The following ECE1 variants were observed in gnomAD, a reference collection of about 807,000 sequenced individuals.
ECE1 encodes endothelin-converting enzyme 1.
A neutral mutation model predicts 98.6 loss-of-function variants in ECE1; 35 were observed. The ratio of observed to expected loss-of-function variants is 0.35; its 90% CI spans 0.27 to 0.47. ECE1 has a LOEUF of 0.47. Among genes scored for constraint, ECE1 ranks in the 20% least tolerant of loss-of-function variants. The pLI, the probability that ECE1 is intolerant of heterozygous loss-of-function variation, is 1.00. For missense variants in ECE1, 814 were observed against 1,025.3 expected, an observed-to-expected ratio of 0.79 and a Z score of 2.81; for synonymous variants, 394 against 407.1, an observed-to-expected ratio of 0.97 and a Z score of 0.39.
At chr1:21,337,927 C>T (rs1639333831) in intron 1 of ECE1, among the ~76,000 whole-genome samples, 1 of 152,196 alleles carries the variant, frequency 6.6e-6, no homozygotes, top group South Asian at 2.1e-4. Flanking sequence ...AGATGTGGCA[C>T]CTGGAGGCAG....
rs189191917 is a variant in ECE1, at chr1:21,307,557, A to T, written c.4-17401T>A. Among the ~76,000 whole-genome samples, 3 of 152,324 alleles carry T rather than the reference A, an allele frequency of 2.0e-5. No homozygotes were observed. In the East Asian group the frequency reaches 5.8e-4, roughly 29 times the overall value. On this transcript the variant is annotated intron_variant, in intron 1 of 18. Transcript: ENST00000415912. The surrounding 1 kb of genome is among the most constrained non-coding windows in gnomAD (Gnocchi z 4.2). ...GATCACTACAGTCATTGATGTGAGG[A>T]CGTCAGCAGCAGAGGGGCCTCCAGA...
intron 10 of ECE1, among the ~76,000 whole-genome samples, chr1:21,244,367 C>T (rs1014006456): frequency 2.6e-5 from 4 of 152,282 alleles, no homozygotes; most frequent in African/African-American, 9.6e-5. Flanking sequence ...GCCTGGCACG[C>T]GATGGCAGGA....
chr1:21,345,288 GGCGGCCCCGGGTGCCACCC>G lies in ECE1; in HGVS notation c.3+69_3+87del. ...CGGCGCCCAGCCCCCCGCGAGCCAG[GGCGGCCCCGGGTGCCACCC>G]GCGGCACCGCTGCCCGCGACCGTCG... On this transcript the variant is annotated intron_variant, in intron 1 of 18. Transcript: ENST00000415912. This position sits in a 1 kb window ranked among gnomAD's most constrained non-coding sequence, Gnocchi z 5.1. 7.7e-7 allele frequency: 1 copy of G among 1,291,926 alleles called. No individual in the cohort carries two copies. Among genetic ancestry groups the G allele is most frequent in the Non-Finnish European group, 9.9e-7 (1 of 1,013,526 alleles). 80.0% of individuals were successfully genotyped at this position (1,291,926 alleles called of 1,614,324 possible).
chr1:21,245,020 T>G lies in ECE1; in HGVS notation c.1247A>C (p.Lys416Thr). 1 of 1,614,158 alleles carries G rather than the reference T, an allele frequency of 6.2e-7. No individual in the cohort carries two copies. The highest frequency in any genetic ancestry group is 1.3e-5 in the African/African-American group (1 of 75,026). Residue 416 changes from lysine to threonine, a missense_variant, in exon 10 of 19, where the codon AAG becomes ACG. By Grantham distance (78) the Lys-to-Thr change is moderately conservative. Coordinates refer to ENST00000374893, the MANE Select transcript of ECE1 (RefSeq NM_001397.3). ...GGTCCCGTACATGACTTCCATGAAC[T>G]TCTCATCGGCGTCCTGAAAGCGCTG... ...LDQRFQDADE[K>T]FMEVMYGTKK...
At chr1:21,239,872 T>C (rs987249482) in intron 10 of ECE1, among the ~76,000 whole-genome samples, 2 of 152,042 alleles carry the variant, frequency 1.3e-5, no homozygotes, top group African/African-American at 4.8e-5. Flanking sequence ...GGTGACTTCA[T>C]TGGTCAAACT....
At chr1:21,296,543 A>G (rs1638360051) in intron 1 of ECE1, among the ~76,000 whole-genome samples, 1 of 152,188 alleles carries the variant, frequency 6.6e-6, no homozygotes, top group African/African-American at 2.4e-5. Flanking sequence ...GAAATAAAAT[A>G]AAATAAAGTA....
Position 21,219,810 on chromosome 1 carries a change from G to A in ECE1, c.*145C>T. The A allele has an allele frequency of 1.9e-6, 2 of 1,037,614 alleles. No individual in the cohort carries two copies. Among genetic ancestry groups the A allele is most frequent in the South Asian group, 2.8e-5 (2 of 70,790 alleles). 64.3% of individuals were successfully genotyped at this position (1,037,614 alleles called of 1,614,324 possible). On this transcript the variant is annotated 3_prime_UTR_variant, in exon 19 of 19. Coordinates refer to ENST00000374893, the MANE Select transcript of ECE1 (RefSeq NM_001397.3). The surrounding 1 kb of genome is among the most constrained non-coding windows in gnomAD (Gnocchi z 4.5). ...GGGTCACGTTGAGAGCCAACACCATGGGCTCGGTTCCGGCTGAAAACCCGC... is the reference window on the plus strand; with the variant it reads ...GGGTCACGTTGAGAGCCAACACCATAGGCTCGGTTCCGGCTGAAAACCCGC...
chr1:21,227,993 C>T lies in ECE1; in HGVS notation c.1719G>A (p.Lys573=), dbSNP rs1370834680. The T allele has an allele frequency of 6.4e-7, 1 of 1,565,504 alleles. No homozygotes were observed. The change falls in exon 15 of 19, where the codon AAG becomes AAA. Residue 573 remains lysine, a synonymous_variant. Coordinates refer to ENST00000374893, the MANE Select transcript of ECE1 (RefSeq NM_001397.3). ...PMVNAYYSPT[K]NEIVFPAGIL... Reference sequence around the variant, plus strand: ...TCCCGGCCGGAAACACAATCTCATTCTTGGTGGGCGAGTAGTAGGCGTTCA... The same window carrying T: ...TCCCGGCCGGAAACACAATCTCATTTTTGGTGGGCGAGTAGTAGGCGTTCA...
chr1:21,327,024 C>T lies in ECE1; in HGVS notation c.3+18352G>A, dbSNP rs1435268158. ...TGGGGAGGGCAGGGTCCTGAGGGCCCTGGTCTCGCTGGGGTCGCATAGGTC... is the reference window on the plus strand; with the variant it reads ...TGGGGAGGGCAGGGTCCTGAGGGCCTTGGTCTCGCTGGGGTCGCATAGGTC... On this transcript the variant is annotated intron_variant, in intron 1 of 18. Transcript: ENST00000415912. The surrounding 1 kb of genome is among the most constrained non-coding windows in gnomAD (Gnocchi z 4.6). Among the ~76,000 whole-genome samples, 6 of 152,302 alleles carry T rather than the reference C, an allele frequency of 3.9e-5. No homozygotes were observed. In the East Asian group the frequency reaches 1.2e-3, roughly 29 times the overall value.
At chr1:21,337,786 C>A (rs1068763) in intron 1 of ECE1, among the ~76,000 whole-genome samples, 2 of 152,128 alleles carry the variant, frequency 1.3e-5, no homozygotes, top group Non-Finnish European at 2.9e-5. Context: ...AGAGGTGACA[C>A]GCTGTCCAAG....
intron 1 of ECE1, chr1:21,298,755 G>A: frequency 4.4e-6 from 2 of 456,274 alleles, no homozygotes; most frequent in Non-Finnish European, 4.4e-6. Flanking sequence ...TTGAACCCAG[G>A]TTTTCCCATG....
chr1:21,272,663 G>A (rs1558404033), intron 4 of ECE1, 36 bp downstream of exon 4: 1 of 1,612,716 alleles, frequency 6.2e-7, no homozygotes, highest in Non-Finnish European at 8.5e-7. Flanking sequence ...GCTCCCCGCT[G>A]TGGCCCATTT....
rs982331934 is a variant in ECE1, at chr1:21,258,711, G to A, written c.744C>T (p.Ser248=). The A allele has an allele frequency of 3.1e-6, 5 of 1,613,748 alleles. No individual in the cohort carries two copies. Among genetic ancestry groups the A allele is most frequent in the Non-Finnish European group, 4.2e-6 (5 of 1,179,816 alleles). ...SVYVSADSKN[S]NSNVIQVDQS... is the part of the protein sequence containing the mutation. ...AGCTCACCTGGATCACGTTGCTGTTGGAGTTCTTGGAATCGGCACTGACAT... is the reference window on the plus strand; with the variant it reads ...AGCTCACCTGGATCACGTTGCTGTTAGAGTTCTTGGAATCGGCACTGACAT... The change falls in exon 6 of 19, where the codon TCC becomes TCT. Residue 248 remains serine, a synonymous_variant. Coordinates refer to ENST00000374893, the MANE Select transcript of ECE1 (RefSeq NM_001397.3). This position sits in a 1 kb window ranked among gnomAD's most constrained non-coding sequence, Gnocchi z 4.2.
At chr1:21,269,766 T>C (rs2098238036) in intron 4 of ECE1, among the ~76,000 whole-genome samples, 2 of 152,218 alleles carry the variant, frequency 1.3e-5, no homozygotes, top group Admixed American at 6.5e-5. Context: ...ATAATGAAAC[T>C]AAGTGGGAGA....
chr1:21,311,216 C>T (rs2103390433), intron 1 of ECE1, among the ~76,000 whole-genome samples: 1 of 152,256 alleles, frequency 6.6e-6, no homozygotes, highest in East Asian at 1.9e-4. Context: ...GCTGGCTGCC[C>T]ACACCACAGG....
chr1:21,303,521 A>G (rs1638530649), intron 1 of ECE1, among the ~76,000 whole-genome samples: 1 of 152,252 alleles, frequency 6.6e-6, no homozygotes, highest in Non-Finnish European at 1.5e-5. Flanking sequence ...GACCTGAAAC[A>G]AAGGAAGCAC....
chr1:21,331,519 T>A (rs1332347928), intron 1 of ECE1, among the ~76,000 whole-genome samples: 1 of 151,848 alleles, frequency 6.6e-6, no homozygotes, highest in Non-Finnish European at 1.5e-5. Flanking sequence ...GAGGTTGAGG[T>A]TGCAGTGAGC....
At chr1:21,227,729 A>G (rs2098176130) in intron 15 of ECE1, among the ~76,000 whole-genome samples, 1 of 152,048 alleles carries the variant, frequency 6.6e-6, no homozygotes, top group South Asian at 2.1e-4. Context: ...AGATGCTCCC[A>G]ATACCCCACT....
intron 14 of ECE1, among the ~76,000 whole-genome samples, chr1:21,229,350 AT>A (rs893053325): frequency 2.4e-3 from 349 of 145,608 alleles, no homozygotes; most frequent in Admixed American, 2.3e-3. Flanking sequence ...TGCCTGGCTA[AT>A]TTTTTTTTTT....
Sources: allele counts gnomAD v4.1 joint callset (sites outside exome capture counted in the v4.1 genomes callset), GRCh38; gene constraint gnomAD v4.1.1; non-coding constraint Gnocchi (gnomAD v3.1); transcripts MANE v1.5; gene names NCBI Gene and HGNC (gene_info 2026-07-23, HGNC 2026-07-21).